The following XPO1 variants were observed in gnomAD, a reference collection of about 807,000 sequenced individuals.
XPO1 encodes the protein exportin-1.
Under a neutral mutation model 133.3 loss-of-function variants are expected in XPO1, and 5 were observed. The observed-to-expected ratio is 0.04, with a 90% CI of 0.02 to 0.08. The LOEUF (loss-of-function observed/expected upper bound fraction) is 0.08, where lower values mean the gene tolerates loss of function less well. Among genes scored for constraint, XPO1 ranks in the 10% least tolerant of loss-of-function variants. The pLI is 1.00. For missense variants in XPO1, 506 were observed against 1,267.5 expected (o/e 0.40, Z 9.12); for synonymous variants, 419 against 408.2 (o/e 1.03, Z -0.32).
chr2:61,527,696 C>T (rs1026864484), intron 2 of XPO1, among the ~76,000 whole-genome samples: 4 of 152,100 alleles, frequency 2.6e-5, no homozygotes, highest in Admixed American at 6.6e-5. Flanking sequence ...TTTATTGTAA[C>T]CATCCTTTCT....
rs1049449861 is a variant in XPO1, at chr2:61,478,651, T to C, written c.*169A>G. The C allele has an allele frequency of 1.1e-5, 7 of 643,128 alleles. No individual in the cohort carries two copies. In the African/African-American group the frequency reaches 1.1e-4, roughly 10 times the overall value. 39.8% of individuals were successfully genotyped at this position (643,128 alleles called of 1,614,324 possible). ...ATGACCAAAACAAAAGCTTAAACAA[T>C]GGAAGGATATTTCACAGAAAATTTC... On this transcript the variant is annotated 3_prime_UTR_variant, in exon 25 of 25. Transcript: ENST00000401558.
intron 7 of XPO1, 44 bp downstream of exon 7, chr2:61,499,665 ATTGT>A: frequency 1.3e-6 from 2 of 1,494,322 alleles, no homozygotes; most frequent in Non-Finnish European, 1.8e-6. Flanking sequence ...ACTGCTTGAA[ATTGT>A]TTGAGAAATC....
At chr2:61,494,227 A>T in intron 11 of XPO1, 136 bp from the exon 12 acceptor site, 1 of 779,550 alleles carries the variant, frequency 1.3e-6, no homozygotes, top group Non-Finnish European at 2.0e-6. Flanking sequence ...TACTTATCAA[A>T]TAGACAGCAA....
At chr2:61,482,674 T>G (rs1340166532) in intron 22 of XPO1, 135 bp from the exon 23 acceptor site, 2 of 890,530 alleles carry the variant, frequency 2.2e-6, no homozygotes, top group Non-Finnish European at 3.3e-6. Context: ...GGCGCAATCT[T>G]AGTTCACTGC....
chr2:61,499,955 T>G, intron 6 of XPO1, 61 bp from the exon 7 acceptor site: 2 of 1,502,062 alleles, frequency 1.3e-6, no homozygotes, highest in Non-Finnish European at 1.8e-6. Context: ...AAAACAAACT[T>G]CAAAGAAATT....
At chr2:61,533,255 TTC>T (rs958285077) in intron 2 of XPO1, among the ~76,000 whole-genome samples, 6 of 152,188 alleles carry the variant, frequency 3.9e-5, no homozygotes, top group African/African-American at 1.2e-4. Flanking sequence ...GTACACACAT[TTC>T]TGTTTCACCT....
At chr2:61,530,433 T>C (rs1455120857) in intron 2 of XPO1, among the ~76,000 whole-genome samples, 2 of 152,098 alleles carry the variant, frequency 1.3e-5, no homozygotes, top group African/African-American at 2.4e-5. Context: ...AAACCTAGCA[T>C]CTCCCTTGTA....
At chr2:61,498,039 C>G (rs949896012) in intron 9 of XPO1, among the ~76,000 whole-genome samples, 3 of 152,162 alleles carry the variant, frequency 2.0e-5, no homozygotes, top group African/African-American at 7.2e-5. Context: ...GTCAAGAAAA[C>G]ATCTGAAAAT....
intron 3 of XPO1, chr2:61,525,340 CA>C: frequency 1.0e-6 from 1 of 987,502 alleles, no homozygotes; most frequent in Non-Finnish European, 1.2e-6. Context: ...CTTCCTATTA[CA>C]AGCAATCAAC....
intron 3 of XPO1, among the ~76,000 whole-genome samples, chr2:61,523,516 T>G (rs985085063): frequency 1.3e-5 from 2 of 152,156 alleles, no homozygotes; most frequent in Non-Finnish European, 2.9e-5. Context: ...GACCAATTAG[T>G]GTGGATAGGC....
intron 2 of XPO1, among the ~76,000 whole-genome samples, chr2:61,531,607 C>G (rs529316425): frequency 6.6e-6 from 1 of 152,340 alleles, no homozygotes; most frequent in South Asian, 2.1e-4. Context: ...GTATTAGTAG[C>G]TGAATCTATG....
At chr2:61,535,905 T>G (rs1272324436) in intron 1 of XPO1, among the ~76,000 whole-genome samples, 2 of 152,194 alleles carry the variant, frequency 1.3e-5, no homozygotes, top group Non-Finnish European at 2.9e-5. Flanking sequence ...ATCAGAACAA[T>G]CTTAATTATT....
intron 4 of XPO1, among the ~76,000 whole-genome samples, chr2:61,514,808 C>T (rs1698285196): frequency 6.6e-6 from 1 of 151,922 alleles, no homozygotes; most frequent in African/African-American, 2.4e-5. Context: ...GGCGCAGTGG[C>T]TTATGAGTAT....
Position 61,485,832 on chromosome 2 carries a change from A to G in XPO1, c.2444T>C (p.Ile815Thr). ...AIIVNKLGGH[I>T]TAEIPQIFDA... ...AAATATTTGAGGTATTTCAGCTGTT[A>G]TATGTCCCCCTAACTTGTTGACAAT... The change falls in exon 20 of 25, where the codon ATA (isoleucine) becomes ACA (threonine). Residue 815 changes from isoleucine (I) to threonine (T), a missense_variant. Ile to Thr is a moderately conservative substitution (Grantham distance 89). This residue lies in a region of XPO1 where 203 missense variants were observed against 365.9 expected (regional missense o/e 0.55). Transcript: ENST00000401558. 6.2e-7 allele frequency: 1 copy of G among 1,614,088 alleles called. No individual in the cohort carries two copies. Among genetic ancestry groups the G allele is most frequent in the Non-Finnish European group, 8.5e-7 (1 of 1,179,980 alleles).
Position 61,491,998 on chromosome 2 carries a change from C to T in XPO1, c.1887+37G>A, listed in dbSNP as rs184407545. The T allele has an allele frequency of 3.7e-5, 59 of 1,605,928 alleles. No individual in the cohort carries two copies. In the Admixed American group the frequency reaches 9.6e-4, roughly 26 times the overall value. On this transcript the variant is annotated intron_variant, in intron 16 of 24. Coordinates refer to ENST00000401558, the MANE Select transcript of XPO1 (RefSeq NM_003400.4). ...TACATACAGATTGATACAAGTGTTA[C>T]TTTCTAAAAATAACATATGCTCAGT...
chr2:61,535,051 C>T (rs1299557912), intron 1 of XPO1, among the ~76,000 whole-genome samples: 1 of 152,246 alleles, frequency 6.6e-6, no homozygotes, highest in African/African-American at 2.4e-5. Context: ...AAATGAGCTA[C>T]TTCGCCTAAA....
At position 61,478,871 on chromosome 2, in the gene XPO1, A is replaced by C; in HGVS notation, c.3165T>G (p.Ser1055=). The change falls in exon 25 of 25, where the codon TCT becomes TCG. Residue 1055 remains serine (S), a synonymous_variant. Coordinates refer to ENST00000401558, the MANE Select transcript of XPO1 (RefSeq NM_003400.4). ...ADEEKHKRQM[S]VPGIFNPHEI... is the part of the protein sequence containing the mutation. ...CATGTGGATTAAAGATGCCAGGGAC[A>C]GACATTTGACGTTTATGTTTCTCTT... 3.7e-6 allele frequency: 6 copies of C among 1,614,140 alleles called. No individual in the cohort carries two copies. The highest frequency in any genetic ancestry group is 5.1e-6 in the Non-Finnish European group (6 of 1,180,000).
At chr2:61,484,525 G>C in intron 20 of XPO1, 1 of 158,924 alleles carries the variant, frequency 6.3e-6, no homozygotes, top group Non-Finnish European at 1.4e-5. Flanking sequence ...CTGTAGTGCA[G>C]TGGCGCAATC....
intron 1 of XPO1, among the ~76,000 whole-genome samples, chr2:61,535,974 T>C (rs1475929985): frequency 1.3e-5 from 2 of 152,230 alleles, no homozygotes; most frequent in Non-Finnish European, 2.9e-5. Context: ...AGTTTTCAAA[T>C]ATTTCGGTTA....
Sources: allele counts gnomAD v4.1 joint callset (sites outside exome capture counted in the v4.1 genomes callset), GRCh38; gene constraint gnomAD v4.1.1; regional missense constraint gnomAD v4.1.1; transcripts MANE v1.5; gene names NCBI Gene and HGNC (gene_info 2026-07-23, HGNC 2026-07-21).